Variants in NSMCE2 observed in about 807,000 individuals in gnomAD.
NSMCE2 encodes the protein E3 SUMO-protein ligase NSE2.
A neutral mutation model predicts 23.8 loss-of-function variants in NSMCE2; 24 were observed. The ratio of observed to expected loss-of-function variants is 1.01; its 90% confidence interval spans 0.73 to 1.42. The LOEUF is 1.42. Ranked by LOEUF, NSMCE2 falls within the 40% of genes most tolerant of loss-of-function variation. The probability of loss-of-function intolerance (pLI) is 0.00; values close to 1 mark genes in which losing one functional copy is unlikely to be tolerated. For missense variants in NSMCE2, 284 were observed against 296.5 expected, an observed-to-expected ratio of 0.96 and a Z score of 0.31; for synonymous variants, 92 against 94.1, an observed-to-expected ratio of 0.98 and a Z score of 0.13.
At chr8:125,095,465 G>A (rs1238843765) in intron 1 of NSMCE2, among the ~76,000 whole-genome samples, 8 of 151,828 alleles carry the variant, frequency 5.3e-5, no homozygotes, top group Non-Finnish European at 5.9e-5. Context: ...GTGGTGGCGC[G>A]CGCCTGTGGT....
At chr8:125,131,624 A>G (rs964964405) in intron 3 of NSMCE2, among the ~76,000 whole-genome samples, 3 of 152,122 alleles carry the variant, frequency 2.0e-5, no homozygotes, top group South Asian at 4.1e-4. Context: ...AAATGCTTGG[A>G]GATTGTAAGT....
At chr8:125,219,381 T>A (rs1028577652) in intron 5 of NSMCE2, among the ~76,000 whole-genome samples, 1 of 152,192 alleles carries the variant, frequency 6.6e-6, no homozygotes, top group African/African-American at 2.4e-5. Flanking sequence ...AAATTTACTC[T>A]GGATTGAATA....
intron 5 of NSMCE2, among the ~76,000 whole-genome samples, chr8:125,328,025 G>A (rs1021768932): frequency 6.6e-6 from 1 of 152,150 alleles, no homozygotes; most frequent in East Asian, 1.9e-4. Context: ...TCTAGCACAA[G>A]GAAAATCATT....
intron 5 of NSMCE2, among the ~76,000 whole-genome samples, chr8:125,239,741 A>C (rs564812912): frequency 3.2e-4 from 49 of 152,314 alleles, no homozygotes; most frequent in African/African-American, 1.2e-3. Flanking sequence ...TGAACATAAC[A>C]TTTGTAAAAA....
chr8:125,293,537 G>A (rs949607297), intron 5 of NSMCE2, among the ~76,000 whole-genome samples: 4 of 134,720 alleles, frequency 3.0e-5, no homozygotes, highest in African/African-American at 9.0e-5. Context: ...CATCCACTCT[G>A]TGGAAAGCTC....
chr8:125,337,684 C>T (rs1156953002), intron 5 of NSMCE2, among the ~76,000 whole-genome samples: 1 of 151,526 alleles, frequency 6.6e-6, no homozygotes, highest in East Asian at 1.9e-4. Context: ...CACCTGAGGT[C>T]GGGAGTTTGA....
At chr8:125,335,312 A>G (rs1277281309) in intron 5 of NSMCE2, among the ~76,000 whole-genome samples, 1 of 152,188 alleles carries the variant, frequency 6.6e-6, no homozygotes, top group Non-Finnish European at 1.5e-5. Flanking sequence ...CGTTTTACAT[A>G]AAATGCCTTT....
intron 5 of NSMCE2, among the ~76,000 whole-genome samples, chr8:125,290,465 A>ATT (rs370157850): frequency 6.7e-6 from 1 of 149,568 alleles, no homozygotes; most frequent in African/African-American, 2.5e-5. Context: ...CATGACTTGC[A>ATT]TTTTTTTTTT....
At chr8:125,103,236 G>A (rs2130367729) in intron 3 of NSMCE2, among the ~76,000 whole-genome samples, 1 of 152,200 alleles carries the variant, frequency 6.6e-6, no homozygotes, top group Admixed American at 6.5e-5. Context: ...AACCCGGGAG[G>A]TGGAGGTTGC....
At chr8:125,272,407 A>G (rs985480641) in intron 5 of NSMCE2, among the ~76,000 whole-genome samples, 1 of 151,190 alleles carries the variant, frequency 6.6e-6, no homozygotes, top group Non-Finnish European at 1.5e-5. Flanking sequence ...TTATTCAAAA[A>G]TCTCAGCATT....
At chr8:125,111,609 G>A (rs186186250) in intron 3 of NSMCE2, among the ~76,000 whole-genome samples, 13 of 152,260 alleles carry the variant, frequency 8.5e-5, no homozygotes, top group Non-Finnish European at 1.6e-4. Flanking sequence ...AGATCAGCCT[G>A]GCCAACATGG....
At chr8:125,288,963 A>G (rs1225864522) in intron 5 of NSMCE2, among the ~76,000 whole-genome samples, 3 of 151,808 alleles carry the variant, frequency 2.0e-5, no homozygotes, top group Admixed American at 1.3e-4. Flanking sequence ...ATGCCCAGCT[A>G]ATTTTTTGAC....
At chr8:125,334,025 C>G (rs1829984268) in intron 5 of NSMCE2, among the ~76,000 whole-genome samples, 1 of 152,130 alleles carries the variant, frequency 6.6e-6, no homozygotes, top group Non-Finnish European at 1.5e-5. Flanking sequence ...CTGCCGTGGA[C>G]TCAGGATAAA....
chr8:125,092,925 T>C (rs1488328915), intron 1 of NSMCE2, among the ~76,000 whole-genome samples: 1 of 152,192 alleles, frequency 6.6e-6, no homozygotes, highest in Non-Finnish European at 1.5e-5. Context: ...TCCTGTGTTT[T>C]GTAGGATGCT....
At chr8:125,235,101 T>G (rs993796864) in intron 5 of NSMCE2, among the ~76,000 whole-genome samples, 1 of 151,876 alleles carries the variant, frequency 6.6e-6, no homozygotes, top group Non-Finnish European at 1.5e-5. Context: ...CAAAAATTGG[T>G]GTGTTGGCAC....
At chr8:125,175,641 T>C (rs1030544941) in intron 4 of NSMCE2, among the ~76,000 whole-genome samples, 13 of 152,142 alleles carry the variant, frequency 8.5e-5, no homozygotes, top group Non-Finnish European at 1.6e-4. Flanking sequence ...AAAAAGTGTG[T>C]GAATGACTCA....
At chr8:125,305,071 T>A (rs1828708004) in intron 5 of NSMCE2, among the ~76,000 whole-genome samples, 2 of 151,094 alleles carry the variant, frequency 1.3e-5, no homozygotes, top group Admixed American at 6.6e-5. Flanking sequence ...TAAAAGGGAG[T>A]GGGAAGATCT....
At chr8:125,188,020 C>T (rs1377518429) in intron 5 of NSMCE2, among the ~76,000 whole-genome samples, 2 of 152,094 alleles carry the variant, frequency 1.3e-5, no homozygotes, top group Non-Finnish European at 2.9e-5. Flanking sequence ...TTTTGAATGA[C>T]AATGATATTT....
intron 3 of NSMCE2, among the ~76,000 whole-genome samples, chr8:125,148,054 T>C (rs1314984732): frequency 6.6e-6 from 1 of 152,196 alleles, no homozygotes; most frequent in Non-Finnish European, 1.5e-5. Context: ...AGGTGTGCTG[T>C]GATCCTCAGT....
Sources: allele counts gnomAD v4.1 joint callset (sites outside exome capture counted in the v4.1 genomes callset), GRCh38; gene constraint gnomAD v4.1.1; transcripts MANE v1.5; gene names NCBI Gene and HGNC (gene_info 2026-07-23, HGNC 2026-07-21).